The following HERC4 variants were observed in gnomAD, a reference collection of about 807,000 sequenced individuals.
HERC4 encodes the protein probable E3 ubiquitin-protein ligase HERC4.
Under a neutral mutation model 124.3 loss-of-function variants are expected in HERC4, and 28 were observed. The ratio of observed to expected loss-of-function variants is 0.23; its 90% CI spans 0.17 to 0.31. The LOEUF is 0.31. Ranked by LOEUF, HERC4 falls within the 10% of genes least tolerant of loss-of-function variation. The pLI, the probability that HERC4 is intolerant of heterozygous loss-of-function variation, is 1.00. For synonymous variants in HERC4, 407 were observed against 421.5 expected (o/e 0.97, Z 0.42); for missense variants, 713 against 1,229.3 (o/e 0.58, Z 6.28).
At chr10:68,061,737 C>A (rs147216170) in intron 3 of HERC4, among the ~76,000 whole-genome samples, 1 of 150,662 alleles carries the variant, frequency 6.6e-6, no homozygotes, top group Non-Finnish European at 1.5e-5. Flanking sequence ...AAAAATTAGC[C>A]GGGCATGGTG....
chr10:68,038,233 A>G (rs1235979722), intron 4 of HERC4, 64 bp from the exon 5 acceptor site: 1 of 729,140 alleles, frequency 1.4e-6, no homozygotes, highest in African/African-American at 1.9e-5. Context: ...CTTGAATGCT[A>G]TTTATGTTAT....
chr10:68,044,430 T>C lies in HERC4; in HGVS notation c.360A>G (p.Gly120=). Residue 120 remains glycine, a synonymous_variant, in exon 4 of 25, where the codon GGA becomes GGG. Transcript: ENST00000373700. ...LDSDGQLGLV[G]SEECIRVPRN... ...TGGGTACTCTGATGCATTCCTCTGA[T>C]CCTACCAGGCCAAGCTGTCCATCAG... The C allele has an allele frequency of 6.2e-7, 1 of 1,614,080 alleles. No individual in the cohort carries two copies. The highest frequency in any genetic ancestry group is 8.5e-7 in the Non-Finnish European group (1 of 1,179,994).
intron 16 of HERC4, chr10:67,965,659 G>A (rs2034818885): frequency 6.6e-6 from 1 of 152,192 alleles, no homozygotes; most frequent in African/African-American, 2.4e-5. Flanking sequence ...GTGCTTACTA[G>A]ACATATTCTA....
intron 4 of HERC4, among the ~76,000 whole-genome samples, chr10:68,040,883 C>T (rs2039728292): frequency 7.1e-6 from 1 of 139,972 alleles, no homozygotes; most frequent in African/African-American, 2.7e-5. Context: ...AGTGAAATTC[C>T]GTCTCAAAAA....
At chr10:67,994,555 C>A (rs1282676967) in intron 9 of HERC4, 2 of 152,232 alleles carry the variant, frequency 1.3e-5, no homozygotes, top group Non-Finnish European at 2.9e-5. Flanking sequence ...ACCTCAGCCT[C>A]CCAATTAGCT....
chr10:68,005,342 A>G (rs1322768731), intron 9 of HERC4, among the ~76,000 whole-genome samples: 1 of 152,184 alleles, frequency 6.6e-6, no homozygotes, highest in African/African-American at 2.4e-5. Flanking sequence ...TTTGTCTGAT[A>G]TAAGTATAGC....
In HERC4 at chr10:68,059,501, T is replaced by TATAAC. The variant is rs1225604361; in HGVS notation, c.226+13381_226+13382insGTTAT. On this transcript the variant is annotated intron_variant, in intron 3 of 24. Transcript: ENST00000373700. ...TAATATTATATATTATAACATTATA[T>TATAAC]ATTATAATATTATATATCATAATAA... Among the ~76,000 whole-genome samples, 30 of 118,434 alleles carry TATAAC rather than the reference T, an allele frequency of 2.5e-4. No homozygotes were observed. The East Asian group carries it at 3.0e-3, about 12-fold the overall frequency. The allele number at this position is 118,434 out of a possible 152,430, so 77.7% of individuals were successfully genotyped here. A position where few individuals can be genotyped will look rare whatever the true frequency, so the allele number is the denominator to read the frequency against.
At chr10:67,938,984 T>A (rs2032640181) in intron 21 of HERC4, among the ~76,000 whole-genome samples, 1 of 152,120 alleles carries the variant, frequency 6.6e-6, no homozygotes, top group South Asian at 2.1e-4. Context: ...ATCCCTTTGC[T>A]GCCTTAATGA....
chr10:67,951,757 T>C (rs2033808244), intron 19 of HERC4, among the ~76,000 whole-genome samples: 1 of 152,192 alleles, frequency 6.6e-6, no homozygotes, highest in Admixed American at 6.5e-5. Context: ...CCAACTCCTC[T>C]GAAACACGGG....
At chr10:68,020,911 T>A (rs1014446629) in intron 8 of HERC4, among the ~76,000 whole-genome samples, 5 of 151,734 alleles carry the variant, frequency 3.3e-5, no homozygotes, top group African/African-American at 1.2e-4. Flanking sequence ...ATTGAGTCTG[T>A]GGAACAGAAA....
chr10:67,934,279 T>G (rs1308645993), intron 22 of HERC4, among the ~76,000 whole-genome samples: 6 of 152,192 alleles, frequency 3.9e-5, no homozygotes, highest in African/African-American at 1.2e-4. Flanking sequence ...ATGGTTACCC[T>G]TTTTCTCTTA....
chr10:68,027,868 G>A (rs1443154039), intron 7 of HERC4, among the ~76,000 whole-genome samples: 1 of 151,622 alleles, frequency 6.6e-6, no homozygotes, highest in Non-Finnish European at 1.5e-5. Context: ...AGCCTGAAGT[G>A]AGCCAAGATC....
chr10:67,993,546 TAAAAA>T (rs1326707026), intron 9 of HERC4: 3 of 151,638 alleles, frequency 2.0e-5, no homozygotes, highest in Non-Finnish European at 4.4e-5. Flanking sequence ...AAATTATTCT[TAAAAA>T]GAAACAGCAA....
Position 67,991,024 on chromosome 10 carries a change from C to T in HERC4, c.1332-9G>A, listed in dbSNP as rs778724296. ...TATAGTGATCATCATTGCTAAAAAA[C>T]AGAAAAGAAAAAAAAAAATAGAATA... On this transcript the variant is annotated splice_polypyrimidine_tract_variant and intron_variant, in intron 12 of 24. Coordinates refer to ENST00000373700, the MANE Select transcript of HERC4 (RefSeq NM_015601.4). The T allele has an allele frequency of 1.6e-6, 2 of 1,280,018 alleles. No individual in the cohort carries two copies. The highest frequency in any genetic ancestry group is 3.4e-5 in the South Asian group (2 of 58,144). The allele number at this position is 1,280,018 out of a possible 1,614,324, so 79.3% of individuals were successfully genotyped here.
At chr10:68,017,493 A>T (rs777548615) in intron 8 of HERC4, among the ~76,000 whole-genome samples, 4 of 152,122 alleles carry the variant, frequency 2.6e-5, no homozygotes, top group Admixed American at 6.6e-5. Flanking sequence ...TTATTTATTT[A>T]TTTTTTTGAG....
At chr10:68,039,335 G>C in intron 4 of HERC4, 1 of 995,974 alleles carries the variant, frequency 1.0e-6, no homozygotes. Context: ...AAAAAAAAAA[G>C]AAAGAAAGAA....
chr10:67,929,556 T>C (rs142186855), intron 23 of HERC4, among the ~76,000 whole-genome samples: 6 of 152,292 alleles, frequency 3.9e-5, no homozygotes, highest in South Asian at 4.1e-4. Context: ...AGGGTCTTGC[T>C]TTGCTGCCTA....
intron 11 of HERC4, among the ~76,000 whole-genome samples, chr10:67,991,750 A>T (rs1428189564): frequency 6.6e-6 from 1 of 152,236 alleles, no homozygotes; most frequent in Non-Finnish European, 1.5e-5. Context: ...AAGTTAAGAT[A>T]GTGACCATTA....
intron 9 of HERC4, among the ~76,000 whole-genome samples, chr10:67,996,534 G>A (rs1432206620): frequency 1.3e-5 from 2 of 152,012 alleles, no homozygotes; most frequent in East Asian, 3.9e-4. Flanking sequence ...ACTTATTCAG[G>A]ACTCCAAAGG....
Sources: gnomAD v4.1 joint callset for allele counts (sites outside exome capture counted in the v4.1 genomes callset) on GRCh38, gnomAD v4.1.1 for gene constraint, MANE v1.5 for transcripts, NCBI Gene and HGNC (gene_info 2026-07-23, HGNC 2026-07-21) for gene names.